The following SLC4A4 variants were observed in gnomAD, a reference collection of about 807,000 sequenced individuals.
The protein encoded by SLC4A4 is solute carrier family 4 member 4.
A neutral mutation model predicts 111.5 loss-of-function variants in SLC4A4; 27 were observed. The observed-to-expected ratio is 0.24, with a 90% CI of 0.18 to 0.33. The LOEUF is 0.33. SLC4A4 is among the 10% of genes least tolerant of loss of function. The probability of loss-of-function intolerance (pLI) is 1.00; values close to 1 mark genes in which losing one functional copy is unlikely to be tolerated. For synonymous variants in SLC4A4, 443 were observed against 463.4 expected (o/e 0.96, Z 0.57); for missense variants, 909 against 1,315.5 (o/e 0.69, Z 4.78).
chr4:71,442,027 C>G (rs192096330), intron 8 of SLC4A4, among the ~76,000 whole-genome samples: 3 of 152,204 alleles, frequency 2.0e-5, no homozygotes, highest in Non-Finnish European at 4.4e-5. Context: ...CAGCTCTGTG[C>G]CCCTATGGCT....
At chr4:71,098,527 G>A (rs1470010100) in intron 2 of SLC4A4, among the ~76,000 whole-genome samples, 4 of 152,082 alleles carry the variant, frequency 2.6e-5, no homozygotes, top group Admixed American at 6.5e-5. Context: ...TTGGTTTCAT[G>A]TGAATTTTAA....
intron 16 of SLC4A4, among the ~76,000 whole-genome samples, chr4:71,517,084 T>C (rs1169982235): frequency 6.6e-6 from 1 of 152,156 alleles, no homozygotes; most frequent in Non-Finnish European, 1.5e-5. Flanking sequence ...TATTTTTATG[T>C]TGAATCTGAT....
chr4:71,451,695 G>T (rs1725778870), intron 11 of SLC4A4, among the ~76,000 whole-genome samples: 1 of 152,120 alleles, frequency 6.6e-6, no homozygotes, highest in Non-Finnish European at 1.5e-5. Flanking sequence ...CCAGGTGGGT[G>T]TGGTGGGTGT....
intron 2 of SLC4A4, among the ~76,000 whole-genome samples, chr4:71,166,861 G>A (rs1187654089): frequency 6.6e-6 from 1 of 152,160 alleles, no homozygotes; most frequent in African/African-American, 2.4e-5. Context: ...GAGATTGCAT[G>A]CTCCTCTAGA....
At chr4:71,241,681 T>C (rs1720236627) in intron 2 of SLC4A4, among the ~76,000 whole-genome samples, 2 of 152,194 alleles carry the variant, frequency 1.3e-5, no homozygotes, top group South Asian at 4.1e-4. Context: ...TTCTCTGCTG[T>C]TCACTCTAAT....
chr4:71,437,285 C>G (rs762590824), intron 7 of SLC4A4: 1 of 367,406 alleles, frequency 2.7e-6, no homozygotes. Context: ...TGGGGAGTGT[C>G]CAGATTACAG....
chr4:71,496,736 G>A (rs1383876097), intron 15 of SLC4A4, among the ~76,000 whole-genome samples: 1 of 152,068 alleles, frequency 6.6e-6, no homozygotes, highest in African/African-American at 2.4e-5. Context: ...AGCTGCTAGA[G>A]GGAAGCACAG....
chr4:71,368,186 A>G (rs1023855961), intron 6 of SLC4A4, among the ~76,000 whole-genome samples: 9 of 152,184 alleles, frequency 5.9e-5, no homozygotes, highest in Non-Finnish European at 1.3e-4. Context: ...ATGGAGCCCA[A>G]ATGAAACTAT....
At chr4:71,455,081 ACTCAG>A (rs1422551600) in intron 12 of SLC4A4, among the ~76,000 whole-genome samples, 2 of 152,182 alleles carry the variant, frequency 1.3e-5, no homozygotes, top group African/African-American at 2.4e-5. Context: ...GGCAGTTGCC[ACTCAG>A]CTTTGCTTTT....
chr4:71,421,979 C>T (rs529829623), intron 7 of SLC4A4, among the ~76,000 whole-genome samples: 9 of 152,188 alleles, frequency 5.9e-5, no homozygotes, highest in Admixed American at 3.3e-4. Context: ...CAAGAAATAA[C>T]TAAGATCAGA....
chr4:71,250,604 A>G (rs926150270), intron 2 of SLC4A4, among the ~76,000 whole-genome samples: 1 of 152,214 alleles, frequency 6.6e-6, no homozygotes, highest in Non-Finnish European at 1.5e-5. Flanking sequence ...GTGAAGGGAA[A>G]GTAACTGTTG....
intron 3 of SLC4A4, among the ~76,000 whole-genome samples, chr4:71,285,453 T>C (rs564539275): frequency 1.3e-5 from 2 of 152,138 alleles, no homozygotes; most frequent in Non-Finnish European, 1.5e-5. Flanking sequence ...ATTCAGTGTC[T>C]GTAGCCTCAA....
chr4:71,546,549 A>G lies in SLC4A4; in HGVS notation c.2621+21A>G. The G allele has an allele frequency of 3.1e-6, 5 of 1,607,122 alleles. No homozygotes were observed. In the Admixed American group the frequency reaches 5.0e-5, roughly 16 times the overall value. On this transcript the variant is annotated intron_variant, in intron 19 of 25. Transcript: ENST00000264485. Reference sequence around the variant, plus strand: ...GTGAGGTGTGTTAACTCAGAGGAAAATGGCTCCCGAAAACACACTGTGCAC... The same window carrying G: ...GTGAGGTGTGTTAACTCAGAGGAAAGTGGCTCCCGAAAACACACTGTGCAC...
intron 3 of SLC4A4, among the ~76,000 whole-genome samples, chr4:71,261,897 G>A (rs987352690): frequency 1.1e-4 from 17 of 152,114 alleles, no homozygotes; most frequent in African/African-American, 3.1e-4. Flanking sequence ...TGTACTCCAC[G>A]TGCTGGGGTG....
rs559651635 is a variant in SLC4A4, at chr4:71,301,515, G to GA, written c.254-37849dup. On this transcript the variant is annotated intron_variant, in intron 3 of 25. Transcript: ENST00000264485. ...GGATAAAGGCGGCATGAAAGTTGGA[G>GA]AAAAAATGGATGACAGCCAGGGAAT... Among the ~76,000 whole-genome samples the GA allele has an allele frequency of 1.5e-3, 236 of 152,260 alleles. 2 individuals carry two copies. The highest frequency in any genetic ancestry group is 2.9e-3 in the Non-Finnish European group (197 of 68,008).
chr4:71,372,074 C>G (rs1480134729), intron 6 of SLC4A4, among the ~76,000 whole-genome samples: 1 of 152,156 alleles, frequency 6.6e-6, no homozygotes, highest in Admixed American at 6.5e-5. Context: ...AGAATATTAG[C>G]TAAAAACAAA....
rs139787066 is a variant in SLC4A4, at chr4:71,142,857, G to A, written c.-2+50065G>A. On this transcript the variant is annotated intron_variant, in intron 2 of 26. Transcript: ENST00000649996. ...TGCCAACTGACAATTCTAGGCATGC[G>A]CAAACTGGCCCCAAAAATTCCTCCC... Among the ~76,000 whole-genome samples, 188 of 146,150 alleles carry A rather than the reference G, an allele frequency of 1.3e-3. 1 individual carries two copies. The highest frequency in any genetic ancestry group is 0.012 in the South Asian group (56 of 4,584).
At chr4:71,355,874 G>A (rs146189501) in intron 5 of SLC4A4, among the ~76,000 whole-genome samples, 85 of 152,250 alleles carry the variant, frequency 5.6e-4, no homozygotes, top group Middle Eastern at 6.8e-3. Flanking sequence ...GTTATTGTTC[G>A]TTTCTTTACA....
At chr4:71,100,628 A>G (rs1458461684) in intron 2 of SLC4A4, among the ~76,000 whole-genome samples, 1 of 152,196 alleles carries the variant, frequency 6.6e-6, no homozygotes, top group Admixed American at 6.5e-5. Flanking sequence ...AAGAAAAGAT[A>G]TCCAAATAGA....
Sources: gnomAD v4.1 joint callset for allele counts (sites outside exome capture counted in the v4.1 genomes callset) on GRCh38, gnomAD v4.1.1 for gene constraint, MANE v1.5 for transcripts, NCBI Gene and HGNC (gene_info 2026-07-23, HGNC 2026-07-21) for gene names.